CFAP47: variants seen among roughly 807,000 people sequenced by gnomAD.
The protein encoded by CFAP47 is cilia and flagella associated protein 47, also known as cilia- and flagella-associated protein 47.
In CFAP47, 29 loss-of-function variants were observed where a neutral mutation model predicts 148.1. That is an observed-to-expected ratio of 0.20 (90% CI 0.15 to 0.27). The LOEUF is 0.27. CFAP47 is among the 10% of genes least tolerant of loss of function. The probability of loss-of-function intolerance (pLI) is 1.00; values close to 1 mark genes in which losing one functional copy is unlikely to be tolerated. For synonymous variants in CFAP47, 664 were observed against 577.3 expected, an observed-to-expected ratio of 1.15 and a Z score of -2.15; for missense variants, 1,872 against 1,697.5, an observed-to-expected ratio of 1.10 and a Z score of -1.81.
At chrX:35,945,550 T>C (rs1232517552) in intron 3 of CFAP47, among the ~76,000 whole-genome samples, 1 of 111,515 alleles carries the variant, frequency 9.0e-6, no homozygotes, top group Non-Finnish European at 1.9e-5. Flanking sequence ...CACTATGTAT[T>C]TGGAGAGTTC....
At chrX:36,084,362 C>G (rs995927759) in intron 29 of CFAP47, among the ~76,000 whole-genome samples, 34 of 111,716 alleles carry the variant, frequency 3.0e-4, no homozygotes, top group Non-Finnish European at 9.4e-5. Context: ...CTAGCTCTAT[C>G]ATACCCATTA....
At chrX:36,367,714 C>A (rs1360175178) in intron 62 of CFAP47, among the ~76,000 whole-genome samples, 1 of 111,276 alleles carries the variant, frequency 9.0e-6, no homozygotes, top group Non-Finnish European at 1.9e-5. Context: ...TAGAACTTTT[C>A]CATTTCCCTC....
rs1393595649 is a variant in CFAP47 at position 35,951,945 on chromosome X, C to T, written c.1028C>T (p.Thr343Ile). 1 of 1,159,201 alleles carries T rather than the reference C, an allele frequency of 8.6e-7. No individual in the cohort carries two copies. The highest frequency in any genetic ancestry group is 1.1e-6 in the Non-Finnish European group (1 of 878,411). ...CAACCTTATCAAAAGACTGTAATTACATTTTGTTTCACCCCAAAGTAAGCA... is the reference window on the plus strand; with the variant it reads ...CAACCTTATCAAAAGACTGTAATTATATTTTGTTTCACCCCAAAGTAAGCA... ...TLQPYQKTVI[T>I]FCFTPKLMAV... The change falls in exon 6 of 64, where the codon ACA becomes ATA. Residue 343 changes from threonine to isoleucine, a missense_variant. By Grantham distance (89) the Thr-to-Ile change is moderately conservative. Coordinates refer to ENST00000378653, the MANE Select transcript of CFAP47 (RefSeq NM_001304548.2).
rs1337846383 is a variant in CFAP47, at chrX:35,966,854, T to C, written c.1600+100T>C. 2.1e-5 allele frequency: 12 copies of C among 567,271 alleles called. No homozygotes were observed. In the East Asian group the frequency reaches 4.1e-4, roughly 19 times the overall value. 46.7% of individuals were successfully genotyped at this position (567,271 alleles called of 1,213,427 possible). On this transcript the variant is annotated intron_variant, in intron 9 of 63. Coordinates refer to ENST00000378653, the MANE Select transcript of CFAP47 (RefSeq NM_001304548.2). Reference sequence around the variant, plus strand: ...GCTTAATTACACACGCACATATATGTGAAAGAAGTGCTTTTAGCATTTCCC... The same window carrying C: ...GCTTAATTACACACGCACATATATGCGAAAGAAGTGCTTTTAGCATTTCCC...
intron 57 of CFAP47, among the ~76,000 whole-genome samples, chrX:36,325,599 G>A (rs1319311706): frequency 9.0e-6 from 1 of 111,237 alleles, no homozygotes; most frequent in African/African-American, 3.3e-5. Flanking sequence ...GAGGGAAGAG[G>A]ATGAAGCAGG....
intron 33 of CFAP47, among the ~76,000 whole-genome samples, chrX:36,128,125 A>G (rs1482063954): frequency 9.0e-6 from 1 of 111,000 alleles, no homozygotes; most frequent in East Asian, 2.8e-4. Context: ...AACTTCCAAT[A>G]CTATGTTGAA....
intron 49 of CFAP47, among the ~76,000 whole-genome samples, chrX:36,270,002 A>C (rs1489268037): frequency 8.9e-6 from 1 of 112,116 alleles, no homozygotes; most frequent in Non-Finnish European, 1.9e-5. Flanking sequence ...ATTCCTTTTA[A>C]TGCTGAGTAG....
chrX:36,330,353 T>C (rs1556013832), intron 57 of CFAP47, among the ~76,000 whole-genome samples: 1 of 111,870 alleles, frequency 8.9e-6, no homozygotes, highest in East Asian at 2.8e-4. Flanking sequence ...TGCATCAGAT[T>C]AAGGACTGCT....
chrX:36,092,816 AC>A (rs1458793594), intron 30 of CFAP47, among the ~76,000 whole-genome samples: 2 of 109,954 alleles, frequency 1.8e-5, no homozygotes, highest in Non-Finnish European at 3.8e-5. Context: ...GACTAGAGTC[AC>A]TCTGTTGTGT....
intron 54 of CFAP47, 121 bp from the exon 55 acceptor site, chrX:36,306,651 T>G: frequency 2.5e-6 from 1 of 399,004 alleles, no homozygotes; most frequent in Admixed American, 3.7e-5. Flanking sequence ...AGATAATGTG[T>G]GCAAGACAAC....
intron 54 of CFAP47, among the ~76,000 whole-genome samples, chrX:36,306,008 T>C (rs73460147): frequency 0.013 from 1,489 of 112,271 alleles, 25 homozygotes; most frequent in African/African-American, 0.045. Flanking sequence ...TCAAGAAGGA[T>C]TGAAAGATAC....
intron 37 of CFAP47, among the ~76,000 whole-genome samples, chrX:36,153,807 C>A (rs2146844970): frequency 8.9e-6 from 1 of 111,896 alleles, no homozygotes; most frequent in South Asian, 3.8e-4. Flanking sequence ...GCACCTGGGG[C>A]AGCCAAGGAG....
In CFAP47 at chrX:36,184,716, C is replaced by T. The variant is rs1939786743; in HGVS notation, c.6105-3904C>T. Among the ~76,000 whole-genome samples the T allele has an allele frequency of 2.7e-5, 3 of 111,620 alleles. No individual in the cohort carries two copies. In the South Asian group the frequency reaches 1.1e-3, roughly 42 times the overall value. On this transcript the variant is annotated intron_variant, in intron 40 of 63. Transcript: ENST00000378653. ...TGGGAGGCTGGGGCGGGAGGATCAC[C>T]TGAGGTCGGGAGTTCGAGACCAGCC...
intron 4 of CFAP47, among the ~76,000 whole-genome samples, chrX:35,950,479 C>T (rs1423241485): frequency 9.0e-6 from 1 of 111,534 alleles, no homozygotes; most frequent in Non-Finnish European, 1.9e-5. Context: ...AATTCCCCTA[C>T]CTCAGCCTCC....
chrX:35,996,292 T>C (rs1936847367), intron 18 of CFAP47, among the ~76,000 whole-genome samples: 1 of 111,725 alleles, frequency 9.0e-6, no homozygotes, highest in African/African-American at 3.3e-5. Flanking sequence ...TTTAGTCAAA[T>C]ATGTTTTTTA....
At chrX:36,018,802 CTTT>C (rs1334081242) in intron 22 of CFAP47, among the ~76,000 whole-genome samples, 1 of 97,978 alleles carries the variant, frequency 1.0e-5, no homozygotes. Flanking sequence ...CCTGTCCTAT[CTTT>C]TTTTTTTTTT....
intron 35 of CFAP47, chrX:36,144,639 G>T: frequency 1.9e-6 from 2 of 1,028,032 alleles, no homozygotes; most frequent in Non-Finnish European, 2.6e-6. Context: ...CTCAGTGTGG[G>T]TTGTTACCAT....
At chrX:35,972,636 A>G (rs756805088) in intron 13 of CFAP47, among the ~76,000 whole-genome samples, 6 of 111,878 alleles carry the variant, frequency 5.4e-5, no homozygotes, top group Non-Finnish European at 9.4e-5. Context: ...AGCCTTTCAT[A>G]TATTGTTTCT....
chrX:36,230,958 C>A (rs1303377913), intron 46 of CFAP47, among the ~76,000 whole-genome samples: 2 of 104,140 alleles, frequency 1.9e-5, no homozygotes, highest in Non-Finnish European at 3.8e-5. Context: ...CTGTTCTGTT[C>A]CATTGATCAA....
Sources: gnomAD v4.1 joint callset for allele counts (sites outside exome capture counted in the v4.1 genomes callset) on GRCh38, gnomAD v4.1.1 for gene constraint, MANE v1.5 for transcripts, NCBI Gene and HGNC (gene_info 2026-07-23, HGNC 2026-07-21) for gene names.